Variants in NRXN3 observed in about 807,000 individuals in gnomAD.
NRXN3 encodes neurexin III.
A neutral mutation model predicts 137.6 loss-of-function variants in NRXN3; 32 were observed. The observed-to-expected ratio is 0.23, with a 90% confidence interval of 0.18 to 0.31. The LOEUF (loss-of-function observed/expected upper bound fraction) is 0.31, where lower values mean the gene tolerates loss of function less well. Ranked by LOEUF, NRXN3 falls within the 10% of genes least tolerant of loss-of-function variation. The pLI is 1.00. For synonymous variants in NRXN3, 798 were observed against 784.5 expected (o/e 1.02, Z -0.29); for missense variants, 1,574 against 2,062.5 (o/e 0.76, Z 4.59).
At chr14:78,590,828 G>T (rs1322842743) in intron 4 of NRXN3, among the ~76,000 whole-genome samples, 1 of 152,138 alleles carries the variant, frequency 6.6e-6, no homozygotes, top group Admixed American at 6.5e-5. Flanking sequence ...GGCACAAGAA[G>T]CAGAGGTTGC....
intron 10 of NRXN3, among the ~76,000 whole-genome samples, chr14:78,853,051 G>T (rs2099047080): frequency 1.3e-5 from 2 of 151,960 alleles, no homozygotes; most frequent in Non-Finnish European, 2.9e-5. Flanking sequence ...GTACTCCATT[G>T]TATACATGTA....
intron 19 of NRXN3, among the ~76,000 whole-genome samples, chr14:79,756,981 T>A (rs1311187057): frequency 6.6e-6 from 1 of 152,188 alleles, no homozygotes; most frequent in Non-Finnish European, 1.5e-5. Context: ...ACATGAAATG[T>A]ACCCTCTGAA....
At chr14:79,509,038 T>C (rs1170127503) in intron 16 of NRXN3, among the ~76,000 whole-genome samples, 3 of 151,780 alleles carry the variant, frequency 2.0e-5, no homozygotes, top group South Asian at 2.1e-4. Flanking sequence ...CTACTAAAAA[T>C]ACAAAAATTA....
chr14:79,685,595 C>T (rs945699046), intron 17 of NRXN3, among the ~76,000 whole-genome samples: 1 of 152,166 alleles, frequency 6.6e-6, no homozygotes, highest in Non-Finnish European at 1.5e-5. Context: ...AAAATATTCT[C>T]TTAAATTATA....
At chr14:78,750,447 G>A (rs954724688) in intron 8 of NRXN3, among the ~76,000 whole-genome samples, 3 of 152,132 alleles carry the variant, frequency 2.0e-5, no homozygotes, top group African/African-American at 7.2e-5. Context: ...CAGCCAAATT[G>A]GAAAGTTGGG....
chr14:79,394,104 G>A (rs2094941894), intron 15 of NRXN3, among the ~76,000 whole-genome samples: 1 of 152,116 alleles, frequency 6.6e-6, no homozygotes, highest in Non-Finnish European at 1.5e-5. Flanking sequence ...ATGCTTGGTG[G>A]CATGTAGAGA....
In NRXN3 at chr14:78,491,483, G is replaced by A. The variant is rs753150879; in HGVS notation, c.758-153637G>A. 5.3e-5 allele frequency among the ~76,000 whole-genome samples: 8 copies of A among 152,314 alleles called. No individual in the cohort carries two copies. The South Asian group carries it at 1.7e-3, about 32-fold the overall frequency. ...AAGCAAGCCTCCCAGGAGCTTGTTG[G>A]ATTGGAATGTATTCTCAGGTCTATT... On this transcript the variant is annotated intron_variant, in intron 4 of 20. Transcript: ENST00000335750.
intron 16 of NRXN3, among the ~76,000 whole-genome samples, chr14:79,637,729 CTTTTT>C (rs554654576): frequency 2.1e-5 from 2 of 95,618 alleles, no homozygotes; most frequent in African/African-American, 5.4e-5. Flanking sequence ...TAGAAAAGTT[CTTTTT>C]TTTTTTTTTT....
chr14:79,014,887 A>C (rs1002803991), intron 15 of NRXN3, among the ~76,000 whole-genome samples: 2 of 152,212 alleles, frequency 1.3e-5, no homozygotes, highest in South Asian at 4.2e-4. Context: ...AGGTAGGTTC[A>C]GTCAACTCAT....
At chr14:79,325,716 C>T (rs936057031) in intron 15 of NRXN3, among the ~76,000 whole-genome samples, 3 of 152,188 alleles carry the variant, frequency 2.0e-5, no homozygotes, top group Non-Finnish European at 4.4e-5. Context: ...CAGCTGTCAA[C>T]TGTTCCCCAA....
At position 79,487,942 on chromosome 14, in the gene NRXN3, T is replaced by C. The variant is rs556849516; in HGVS notation, c.3444+20540T>C. Among the ~76,000 whole-genome samples the C allele has an allele frequency of 7.2e-5, 11 of 152,306 alleles. No individual in the cohort carries two copies. The South Asian group carries it at 2.3e-3, about 32-fold the overall frequency. ...GAGCTCATCATGCAACAGGACTGCA[T>C]CTGGGATACTGCCTCCCTTCCCCAG... On this transcript the variant is annotated intron_variant, in intron 16 of 20. Coordinates refer to ENST00000335750, the MANE Select transcript of NRXN3 (RefSeq NM_001330195.2).
intron 17 of NRXN3, among the ~76,000 whole-genome samples, chr14:79,678,626 C>G (rs2098653410): frequency 6.6e-6 from 1 of 152,130 alleles, no homozygotes; most frequent in African/African-American, 2.4e-5. Flanking sequence ...TTAAAGGCCA[C>G]CATCCCTGAT....
chr14:79,225,263 A>C (rs986413163), intron 15 of NRXN3, among the ~76,000 whole-genome samples: 2 of 152,134 alleles, frequency 1.3e-5, no homozygotes. Context: ...TGTTTGAAAA[A>C]ATCCCTTACA....
intron 16 of NRXN3, among the ~76,000 whole-genome samples, chr14:79,472,778 A>T (rs1043598030): frequency 5.9e-5 from 9 of 152,120 alleles, no homozygotes; most frequent in South Asian, 4.1e-4. Flanking sequence ...ACTCACCTTC[A>T]TTTATACAAC....
At chr14:79,259,687 A>C (rs2077301056) in intron 15 of NRXN3, among the ~76,000 whole-genome samples, 1 of 139,886 alleles carries the variant, frequency 7.1e-6, no homozygotes, top group African/African-American at 2.7e-5. Context: ...AGCTATATAT[A>C]TAGTTTATAT....
intron 15 of NRXN3, among the ~76,000 whole-genome samples, chr14:79,400,672 G>A (rs2095167239): frequency 6.6e-6 from 1 of 152,046 alleles, no homozygotes; most frequent in Non-Finnish European, 1.5e-5. Flanking sequence ...AAGCCAGGAT[G>A]GACCCATTGT....
chr14:78,513,815 A>G (rs1490276872), intron 4 of NRXN3, among the ~76,000 whole-genome samples: 1 of 151,992 alleles, frequency 6.6e-6, no homozygotes, highest in East Asian at 1.9e-4. Flanking sequence ...TAATTCATTT[A>G]CTCCTATTTC....
At position 79,537,194 on chromosome 14, in the gene NRXN3, A is replaced by G. The variant is rs1428240080; in HGVS notation, c.3444+69792A>G. Among the ~76,000 whole-genome samples the G allele has an allele frequency of 2.0e-5, 3 of 151,714 alleles. No individual in the cohort carries two copies. The East Asian group carries it at 5.8e-4, about 29-fold the overall frequency. ...GAGTCTCATTGTGGTTTTGATTTTCATTTCTCTAATGATCAGTGATGTTGT... is the reference window on the plus strand; with the variant it reads ...GAGTCTCATTGTGGTTTTGATTTTCGTTTCTCTAATGATCAGTGATGTTGT... On this transcript the variant is annotated intron_variant, in intron 16 of 20. Coordinates refer to ENST00000335750, the MANE Select transcript of NRXN3 (RefSeq NM_001330195.2).
At chr14:79,165,319 C>A (rs923005361) in intron 15 of NRXN3, among the ~76,000 whole-genome samples, 6 of 151,892 alleles carry the variant, frequency 4.0e-5, no homozygotes, top group Admixed American at 3.9e-4. Flanking sequence ...CATTGTAAGA[C>A]AATTAAGTCT....
Sources: gnomAD v4.1 joint callset for allele counts (sites outside exome capture counted in the v4.1 genomes callset) on GRCh38, gnomAD v4.1.1 for gene constraint, MANE v1.5 for transcripts, NCBI Gene and HGNC (gene_info 2026-07-23, HGNC 2026-07-21) for gene names.